Variants in TRIM14 observed in about 807,000 individuals in gnomAD.
TRIM14 encodes tripartite motif-containing protein 14.
A neutral mutation model predicts 44.5 loss-of-function variants in TRIM14; 28 were observed. That is an observed-to-expected ratio of 0.63 (90% CI 0.47 to 0.86). The LOEUF (loss-of-function observed/expected upper bound fraction) is 0.86, where lower values mean the gene tolerates loss of function less well. Ranked by LOEUF, TRIM14 falls within the 40% of genes least tolerant of loss-of-function variation. The pLI is 0.00. For synonymous variants in TRIM14, 299 were observed against 269.2 expected (o/e 1.11, Z -1.08); for missense variants, 607 against 611.1 (o/e 0.99, Z 0.07).
At chr9:98,096,005 G>GT (rs1236076837) in intron 3 of TRIM14, among the ~76,000 whole-genome samples, 1 of 152,204 alleles carries the variant, frequency 6.6e-6, no homozygotes, top group Non-Finnish European at 1.5e-5. Context: ...ATGTTTGCAG[G>GT]TAAGAACCAT....
chr9:98,070,806 A>AATTT (rs1829306477), intron 6 of TRIM14, among the ~76,000 whole-genome samples: 1 of 134,746 alleles, frequency 7.4e-6, no homozygotes, highest in Non-Finnish European at 1.5e-5. Context: ...ACTCTTTAGT[A>AATTT]ATTTTTTTTT....
the TRIM14 span, among the ~76,000 whole-genome samples, chr9:98,062,563 C>T: frequency 2.0e-5 from 3 of 152,070 alleles, no homozygotes; most frequent in Non-Finnish European, 2.9e-5. Context: ...TATATATTTC[C>T]TCCTGAAGTC....
downstream of TRIM14, among the ~76,000 whole-genome samples, chr9:98,066,586 A>G (rs2131629104): frequency 6.6e-6 from 1 of 152,264 alleles, no homozygotes; most frequent in African/African-American, 2.4e-5. Context: ...CCCCCAAAGG[A>G]AAAACTACCT....
Position 98,087,760 on chromosome 9 carries a change from G to T in TRIM14, c.1039C>A (p.Arg347Ser). Residue 347 changes from arginine to serine, a missense_variant, in exon 6 of 6, where the codon CGC (arginine) becomes AGC (serine). By Grantham distance (110) the Arg-to-Ser change is moderately radical (BLOSUM62 -1). Transcript: ENST00000341469. ...VGAAYASLRR[R>S]GASAAARLGC... Reference sequence around the variant, plus strand: ...AGGCGGGCGGCGGCCGAGGCCCCGCGGCGCCGAAGGGAGGCGTAGGCCGCG... The same window carrying T: ...AGGCGGGCGGCGGCCGAGGCCCCGCTGCGCCGAAGGGAGGCGTAGGCCGCG... The T allele has an allele frequency of 6.5e-7, 1 of 1,532,762 alleles. No individual in the cohort carries two copies. Among genetic ancestry groups the T allele is most frequent in the South Asian group, 1.2e-5 (1 of 82,368 alleles). The allele number at this position is 1,532,762 out of a possible 1,614,324, so 94.9% of individuals were successfully genotyped here.
At chr9:98,081,934 A>G (rs1829882761), downstream of TRIM14, 1 of 152,240 alleles carries the variant, frequency 6.6e-6, no homozygotes, top group African/African-American at 2.4e-5. Flanking sequence ...AAACCAGAGT[A>G]AGATTTATAA....
rs76823052 is a variant in TRIM14 at position 98,096,402 on chromosome 9, C to T, written c.538-1373G>A. ...TGGGCAGGGAGCAGCTCCGGGGAGG[C>T]GAGAGGGGGCTCAGAGGGCAGATGA... On this transcript the variant is annotated intron_variant, in intron 3 of 5. Coordinates refer to ENST00000341469, the MANE Select transcript of TRIM14 (RefSeq NM_014788.4). Among the ~76,000 whole-genome samples the T allele has an allele frequency of 5.7e-3, 861 of 152,090 alleles. 5 individuals are homozygous for T. Among genetic ancestry groups the T allele is most frequent in the African/African-American group, 0.018 (735 of 41,496 alleles).
At chr9:98,056,764 C>T in the TRIM14 span, 16 of 1,594,376 alleles carry the variant, frequency 1.0e-5, no homozygotes, top group Non-Finnish European at 1.2e-5. Context: ...GCGGCGGCGG[C>T]CGGACCCAGA....
At chr9:98,055,745 T>G in the TRIM14 span, among the ~76,000 whole-genome samples, 1 of 151,982 alleles carries the variant, frequency 6.6e-6, no homozygotes, top group African/African-American at 2.4e-5. Context: ...ATTAATTAAT[T>G]TATTTATTTT....
chr9:98,087,739 G>A lies in TRIM14; in HGVS notation c.1060C>T (p.Arg354Cys). The change falls in exon 6 of 6, where the codon CGC becomes TGC. Residue 354 changes from arginine to cysteine, a missense_variant. Around this residue, in one of 3 missense-constraint regions of TRIM14, gnomAD observed 356 missense variants for 323.0 expected, o/e 1.10. Transcript: ENST00000341469. ...CAGGACTGGCGGTTGCAGCCCAGGC[G>A]GGCGGCGGCCGAGGCCCCGCGGCGC... ...LRRRGASAAARLGCNRQSWCL... is the reference protein window; with the variant it reads ...LRRRGASAAACLGCNRQSWCL... 2.5e-6 allele frequency: 4 copies of A among 1,569,096 alleles called. No homozygotes were observed. Among genetic ancestry groups the A allele is most frequent in the South Asian group, 1.2e-5 (1 of 86,814 alleles).
the TRIM14 span, chr9:98,056,993 G>GGGGCC: frequency 3.3e-6 from 5 of 1,500,978 alleles, no homozygotes; most frequent in Non-Finnish European, 3.6e-6. Flanking sequence ...GGGGCGGGGC[G>GGGGCC]GGGCCGCGGG....
chr9:98,114,890 G>A (rs531624575), intron 1 of TRIM14, among the ~76,000 whole-genome samples: 2 of 152,072 alleles, frequency 1.3e-5, no homozygotes, highest in Non-Finnish European at 2.9e-5. Context: ...GAGGATAAAA[G>A]TGATTTTTAT....
At chr9:98,083,973 A>ATAGT (rs1830003708), downstream of TRIM14, among the ~76,000 whole-genome samples, 2 of 152,188 alleles carry the variant, frequency 1.3e-5, no homozygotes, top group African/African-American at 4.8e-5. Context: ...ATCCCTGGAG[A>ATAGT]TAGTTAATCA....
At chr9:98,079,979 T>C (rs1016972816), downstream of TRIM14, among the ~76,000 whole-genome samples, 2 of 152,218 alleles carry the variant, frequency 1.3e-5, no homozygotes, top group African/African-American at 4.8e-5. Flanking sequence ...TTTGGGAGGC[T>C]GAGGCAGGTG....
chr9:98,105,569 ACT>A (rs1826578580), intron 2 of TRIM14, among the ~76,000 whole-genome samples: 1 of 152,180 alleles, frequency 6.6e-6, no homozygotes, highest in Non-Finnish European at 1.5e-5. Context: ...ACAGATCGAG[ACT>A]CTGTCTCAAA....
intron 1 of TRIM14, among the ~76,000 whole-genome samples, chr9:98,111,697 T>C (rs904067151): frequency 6.6e-6 from 1 of 152,184 alleles, no homozygotes; most frequent in Non-Finnish European, 1.5e-5. Context: ...CCCAGCACTT[T>C]GGGAGGCCAA....
At chr9:98,065,184 G>C (rs574552319), downstream of TRIM14, among the ~76,000 whole-genome samples, 72 of 152,160 alleles carry the variant, frequency 4.7e-4, no homozygotes, top group Non-Finnish European at 8.4e-4. Context: ...CACAGCCCAG[G>C]AGAGTTTCTG....
At chr9:98,100,954 A>C (rs1826366456) in intron 2 of TRIM14, among the ~76,000 whole-genome samples, 1 of 152,178 alleles carries the variant, frequency 6.6e-6, no homozygotes, top group Non-Finnish European at 1.5e-5. Context: ...TAGATGAAAT[A>C]CAAAACAATT....
Position 98,073,271 on chromosome 9 carries a change from C to CTTTTT in TRIM14, c.*29-3589_*29-3585dup, listed in dbSNP as rs10606237. Among the ~76,000 whole-genome samples, 315 of 57,842 alleles carry CTTTTT rather than the reference C, an allele frequency of 5.4e-3. 34 individuals are homozygous for CTTTTT. Among genetic ancestry groups the CTTTTT allele is most frequent in the Non-Finnish European group, 7.9e-3 (265 of 33,714 alleles). The allele number at this position is 57,842 out of a possible 152,430, so 37.9% of individuals were successfully genotyped here. A position where few individuals can be genotyped will look rare whatever the true frequency, so the allele number is the denominator to read the frequency against. On this transcript the variant is annotated intron_variant, in intron 6 of 6. Transcript: ENST00000375098. ...GTTCTCCCCAGCTCATCACCATGGG[C>CTTTTT]TTTTTTTTTTTTTTTTTTTTTTTTT...
At chr9:98,055,416 T>C in the TRIM14 span, among the ~76,000 whole-genome samples, 1 of 152,158 alleles carries the variant, frequency 6.6e-6, no homozygotes, top group African/African-American at 2.4e-5. Flanking sequence ...TCATAGAAAG[T>C]CAAGGCTGTC....
Sources: allele counts gnomAD v4.1 joint callset (sites outside exome capture counted in the v4.1 genomes callset), GRCh38; gene constraint gnomAD v4.1.1; regional missense constraint gnomAD v4.1.1; transcripts MANE v1.5; gene names NCBI Gene and HGNC (gene_info 2026-07-23, HGNC 2026-07-21).